STK26: variants seen among roughly 807,000 people sequenced by gnomAD.
The protein encoded by STK26 is serine/threonine kinase 26.
STK26 carries 14 observed loss-of-function variants against 34.7 expected under a neutral mutation model. That is an observed-to-expected ratio of 0.40 (90% CI 0.27 to 0.63). The LOEUF (loss-of-function observed/expected upper bound fraction) is 0.63, where lower values mean the gene tolerates loss of function less well. STK26 is among the 30% of genes least tolerant of loss of function. The probability of loss-of-function intolerance (pLI) is 0.38; values close to 1 mark genes in which losing one functional copy is unlikely to be tolerated. For synonymous variants in STK26, 100 were observed against 109.8 expected, an observed-to-expected ratio of 0.91 and a Z score of 0.56; for missense variants, 226 against 309.1, an observed-to-expected ratio of 0.73 and a Z score of 2.02.
intron 2 of STK26, among the ~76,000 whole-genome samples, chrX:132,033,956 A>C (rs544385736): frequency 9.1e-6 from 1 of 109,505 alleles, no homozygotes. Context: ...CATTTATAGA[A>C]TACCTTTCTG....
chrX:132,073,963 A>G (rs1477292755), intron 11 of STK26, among the ~76,000 whole-genome samples, 172 bp from the exon 12 acceptor site: 2 of 112,065 alleles, frequency 1.8e-5, no homozygotes, highest in Non-Finnish European at 3.8e-5. Flanking sequence ...GTGAAATCAG[A>G]TGCAGAAGGG....
chrX:132,059,394 C>T (rs766255551), intron 3 of STK26, among the ~76,000 whole-genome samples: 94 of 112,070 alleles, frequency 8.4e-4, no homozygotes, highest in Admixed American at 3.6e-3. Flanking sequence ...GTAGTGATTT[C>T]CTTGAGACAT....
intron 2 of STK26, among the ~76,000 whole-genome samples, chrX:132,023,909 G>A (rs966341920): frequency 8.9e-6 from 1 of 112,084 alleles, no homozygotes; most frequent in Middle Eastern, 4.6e-3. Flanking sequence ...GCGGTTGGGG[G>A]TATAAAAATA....
intron 3 of STK26, 62 bp downstream of exon 3, chrX:132,054,923 A>AT: frequency 2.0e-6 from 2 of 993,738 alleles, no homozygotes; most frequent in Non-Finnish European, 2.7e-6. Context: ...TTTTAATTCT[A>AT]TTTTTTTGAA....
At chrX:132,035,635 AC>A (rs887900331) in intron 2 of STK26, among the ~76,000 whole-genome samples, 2 of 109,601 alleles carry the variant, frequency 1.8e-5, no homozygotes, top group Non-Finnish European at 3.8e-5. Context: ...TCAAATGCAG[AC>A]CCTTATTAAG....
At chrX:132,053,070 C>T (rs1926739926) in intron 2 of STK26, among the ~76,000 whole-genome samples, 1 of 111,698 alleles carries the variant, frequency 9.0e-6, no homozygotes, top group Non-Finnish European at 1.9e-5. Context: ...AATGATGGCA[C>T]TCAAGTTTTT....
intron 7 of STK26, 132 bp downstream of exon 7, chrX:132,069,795 G>A (rs983261631): frequency 2.8e-6 from 1 of 354,615 alleles, no homozygotes; most frequent in Non-Finnish European, 4.4e-6. Flanking sequence ...AACCTGGTTC[G>A]TCCTTCTGTA....
chrX:132,029,437 G>T (rs1209076904), intron 2 of STK26, among the ~76,000 whole-genome samples: 1 of 110,940 alleles, frequency 9.0e-6, no homozygotes, highest in Non-Finnish European at 1.9e-5. Context: ...TATGATGTAT[G>T]GGGGGCAGTT....
chrX:132,069,617 C>A lies in STK26; in HGVS notation c.737C>A (p.Ser246Tyr). 8.6e-7 allele frequency: 1 copy of A among 1,160,358 alleles called. No individual in the cohort carries two copies. The highest frequency in any genetic ancestry group is 1.1e-6 in the Non-Finnish European group (1 of 871,767). The change falls in exon 7 of 12, where the codon TCT becomes TAT. Residue 246 changes from serine to tyrosine, a missense_variant. Ser to Tyr is a moderately radical substitution (Grantham distance 144, BLOSUM62 -2). Coordinates refer to ENST00000394334, the MANE Select transcript of STK26 (RefSeq NM_016542.4). ...ACTCTTGTTGGAGACTTTACTAAGTCTTTTAAGGAGTTTATTGATGCTTGC... is the reference window on the plus strand; with the variant it reads ...ACTCTTGTTGGAGACTTTACTAAGTATTTTAAGGAGTTTATTGATGCTTGC... ...PPTLVGDFTKSFKEFIDACLN... is the reference protein window; with the variant it reads ...PPTLVGDFTKYFKEFIDACLN...
At chrX:132,033,593 G>A (rs1430790410) in intron 2 of STK26, among the ~76,000 whole-genome samples, 1 of 111,840 alleles carries the variant, frequency 8.9e-6, no homozygotes, top group Non-Finnish European at 1.9e-5. Flanking sequence ...TTTCTTATGT[G>A]CTTGTCAGTA....
chrX:132,056,507 C>T (rs750274845), intron 3 of STK26, among the ~76,000 whole-genome samples: 1 of 111,829 alleles, frequency 8.9e-6, no homozygotes, highest in African/African-American at 3.2e-5. Flanking sequence ...TCTTTGGTGG[C>T]AAGAGCTGCT....
intron 3 of STK26, among the ~76,000 whole-genome samples, chrX:132,061,533 A>G (rs1189276992): frequency 1.8e-5 from 2 of 112,406 alleles, no homozygotes; most frequent in African/African-American, 6.5e-5. Flanking sequence ...ATGTCAGGAC[A>G]GAGTGGATGT....
intron 2 of STK26, among the ~76,000 whole-genome samples, chrX:132,027,820 G>A (rs967024153): frequency 9.0e-6 from 1 of 110,518 alleles, no homozygotes; most frequent in Non-Finnish European, 1.9e-5. Context: ...GATTGAGAGG[G>A]GAAGGCAGTT....
intron 2 of STK26, among the ~76,000 whole-genome samples, chrX:132,043,581 G>A (rs760417961): frequency 2.4e-4 from 27 of 111,328 alleles, no homozygotes; most frequent in Non-Finnish European, 4.5e-4. Flanking sequence ...TAACATTAAT[G>A]CTCCTGGTTA....
At chrX:132,040,528 G>A (rs1398759764) in intron 2 of STK26, among the ~76,000 whole-genome samples, 1 of 111,696 alleles carries the variant, frequency 9.0e-6, no homozygotes, top group East Asian at 2.8e-4. Context: ...ATATGTTTGT[G>A]TGCAGATACA....
At chrX:132,033,000 C>G (rs777901488) in intron 2 of STK26, among the ~76,000 whole-genome samples, 1 of 111,336 alleles carries the variant, frequency 9.0e-6, no homozygotes, top group African/African-American at 3.3e-5. Context: ...CTTCTTCCCA[C>G]CCCCAGCTTT....
At chrX:132,043,597 G>GGTTTATTTGTGTATTA (rs2124151066) in intron 2 of STK26, among the ~76,000 whole-genome samples, 1 of 111,462 alleles carries the variant, frequency 9.0e-6, no homozygotes, top group African/African-American at 3.3e-5. Flanking sequence ...GGTTAAACCT[G>GGTTTATTTGTGTATTA]ACGCCTGGTT....
chrX:132,023,578 G>A lies in STK26; in HGVS notation c.-40G>A. The A allele has an allele frequency of 8.6e-7, 1 of 1,166,300 alleles. No homozygotes were observed. Among genetic ancestry groups the A allele is most frequent in the Non-Finnish European group, 1.1e-6 (1 of 871,985 alleles). Reference sequence around the variant, plus strand: ...GGAGGAGCCAGTCCGAACCCAAGGCGCCACCGCCGCAGAAGCGGAGCGAGG... The same window carrying A: ...GGAGGAGCCAGTCCGAACCCAAGGCACCACCGCCGCAGAAGCGGAGCGAGG... On this transcript the variant is annotated 5_prime_UTR_variant, in exon 2 of 12. Coordinates refer to ENST00000394334, the MANE Select transcript of STK26 (RefSeq NM_016542.4).
chrX:132,064,291 T>C (rs1265953543), intron 4 of STK26, among the ~76,000 whole-genome samples: 3 of 111,971 alleles, frequency 2.7e-5, no homozygotes, highest in Non-Finnish European at 3.8e-5. Context: ...TCTCTGCCCC[T>C]CTATAGGTTA....
Sources: gnomAD v4.1 joint callset for allele counts (sites outside exome capture counted in the v4.1 genomes callset) on GRCh38, gnomAD v4.1.1 for gene constraint, MANE v1.5 for transcripts, NCBI Gene and HGNC (gene_info 2026-07-23, HGNC 2026-07-21) for gene names.